Variants in CFAP97D2 observed in about 807,000 individuals in gnomAD.
CFAP97D2 encodes the protein uncharacterized protein CFAP97D2.
intron 1 of CFAP97D2, among the ~76,000 whole-genome samples, chr13:114,184,645 C>T (rs1160454148): frequency 6.6e-6 from 1 of 152,126 alleles, no homozygotes; most frequent in Non-Finnish European, 1.5e-5. Context: ...TTATCTGTCA[C>T]AAGTGAAGAA....
intron 1 of CFAP97D2, among the ~76,000 whole-genome samples, chr13:114,180,150 T>C (rs1242954376): frequency 6.6e-6 from 1 of 152,270 alleles, no homozygotes; most frequent in East Asian, 1.9e-4. Flanking sequence ...AGAACGATGT[T>C]CCATGTATCA....
intron 3 of CFAP97D2, among the ~76,000 whole-genome samples, chr13:114,210,321 A>G (rs2080961256): frequency 6.6e-6 from 1 of 152,178 alleles, no homozygotes; most frequent in Non-Finnish European, 1.5e-5. Context: ...AGTGATGCTG[A>G]AAGGGACACT....
At chr13:114,216,047 G>A (rs1361438906) in intron 4 of CFAP97D2, among the ~76,000 whole-genome samples, 1 of 152,168 alleles carries the variant, frequency 6.6e-6, no homozygotes, top group Non-Finnish European at 1.5e-5. Flanking sequence ...CCTCCTATAT[G>A]TTGGGTCTAA....
At position 114,179,813 on chromosome 13, in the gene CFAP97D2, T is replaced by C. The variant is rs771152419; in HGVS notation, c.90+393T>C. Among the ~76,000 whole-genome samples the C allele has an allele frequency of 6.6e-6, 1 of 152,202 alleles. No individual in the cohort carries two copies. The highest frequency in any genetic ancestry group is 1.9e-4 in the East Asian group (1 of 5,198). On this transcript the variant is annotated intron_variant, in intron 1 of 4. Transcript: ENST00000646158. The surrounding 1 kb of genome is among the most constrained non-coding windows in gnomAD (Gnocchi z 4.8). ...TTTTTTGTTTTTGTTTTTGTTTTTG[T>C]TTGTTTTTGAGAGGGATGTTGCCAT...
At chr13:114,181,645 G>A (rs1471107937) in intron 1 of CFAP97D2, among the ~76,000 whole-genome samples, 2 of 152,174 alleles carry the variant, frequency 1.3e-5, no homozygotes, top group Non-Finnish European at 2.9e-5. Flanking sequence ...AATTAAGAGT[G>A]GAGAGAATCA....
chr13:114,192,178 C>T (rs961489585), intron 1 of CFAP97D2, among the ~76,000 whole-genome samples: 2 of 152,058 alleles, frequency 1.3e-5, no homozygotes, highest in Admixed American at 6.6e-5. Flanking sequence ...TGTGTCCAGA[C>T]TCATAGAATA....
rs138787435 is a variant in CFAP97D2, at chr13:114,189,726, TCATATC to T, written c.91-6669_91-6664del. Among the ~76,000 whole-genome samples, 24,260 of 152,030 alleles carry T rather than the reference TCATATC, an allele frequency of 0.16. 2,180 individuals are homozygous for T. Among genetic ancestry groups the T allele is most frequent in the Non-Finnish European group, 0.2 (13,258 of 67,928 alleles). On this transcript the variant is annotated intron_variant, in intron 1 of 4. Transcript: ENST00000646158. This position sits in a 1 kb window ranked among gnomAD's most constrained non-coding sequence, Gnocchi z 4.5. Reference sequence around the variant, plus strand: ...GGCTAAAAAAAGAAAAATCACATGATCATATCAGTAGATGCAGAGAAAGCATTTAAC... The same window carrying T: ...GGCTAAAAAAAGAAAAATCACATGATAGTAGATGCAGAGAAAGCATTTAAC...
intron 3 of CFAP97D2, among the ~76,000 whole-genome samples, chr13:114,202,486 A>G (rs1158230901): frequency 6.6e-6 from 1 of 152,212 alleles, no homozygotes; most frequent in Non-Finnish European, 1.5e-5. Context: ...AAGCTACTGT[A>G]ATTTGACAAG....
At position 114,207,095 on chromosome 13, in the gene CFAP97D2, A is replaced by G. The variant is rs1388314746; in HGVS notation, c.291-4817A>G. Among the ~76,000 whole-genome samples, 1 of 152,204 alleles carries G rather than the reference A, an allele frequency of 6.6e-6. No homozygotes were observed. The highest frequency in any genetic ancestry group is 1.5e-5 in the Non-Finnish European group (1 of 68,012). ...CTGCCAAGCATCACCACCGCATGGC[A>G]GCAGTGTCCCCGCATCCACCTGGTG... On this transcript the variant is annotated intron_variant, in intron 3 of 4. Coordinates refer to ENST00000646158, the Ensembl canonical transcript of CFAP97D2. This position sits in a 1 kb window ranked among gnomAD's most constrained non-coding sequence, Gnocchi z 4.9.
At position 114,222,148 on chromosome 13, in the gene CFAP97D2, G is replaced by A. The variant is rs1202129305; in HGVS notation, c.481-350G>A. ...CCTTTTATATGAAATGTCCAGAATA[G>A]GCACATTCAAAGAGACAAAAAGTAA... On this transcript the variant is annotated intron_variant, in intron 4 of 4. Coordinates refer to ENST00000646158, the Ensembl canonical transcript of CFAP97D2. The surrounding 1 kb of genome is among the most constrained non-coding windows in gnomAD (Gnocchi z 4.4). Among the ~76,000 whole-genome samples, 1 of 152,180 alleles carries A rather than the reference G, an allele frequency of 6.6e-6. No individual in the cohort carries two copies. The highest frequency in any genetic ancestry group is 6.5e-5 in the Admixed American group (1 of 15,272).
chr13:114,200,830 G>A (rs888462578), intron 3 of CFAP97D2, among the ~76,000 whole-genome samples: 1 of 152,220 alleles, frequency 6.6e-6, no homozygotes, highest in African/African-American at 2.4e-5. Flanking sequence ...GGCCAAGGTT[G>A]CAGTTCGGCG....
In CFAP97D2 at chr13:114,211,153, G is replaced by A. The variant is rs898394575; in HGVS notation, c.291-759G>A. Reference sequence around the variant, plus strand: ...CTAACCCTGGTGGGTTCTTTACTTCGTGCTCCTCTGTGCTCCACAGCCAGG... The same window carrying A: ...CTAACCCTGGTGGGTTCTTTACTTCATGCTCCTCTGTGCTCCACAGCCAGG... On this transcript the variant is annotated intron_variant, in intron 3 of 4. Transcript: ENST00000646158. This position sits in a 1 kb window ranked among gnomAD's most constrained non-coding sequence, Gnocchi z 4.2. Among the ~76,000 whole-genome samples the A allele has an allele frequency of 1.3e-4, 20 of 152,148 alleles. No individual in the cohort carries two copies. The highest frequency in any genetic ancestry group is 2.4e-4 in the African/African-American group (10 of 41,502).
rs1423050233 is a variant in CFAP97D2, at chr13:114,182,184, A to C, written c.90+2764A>C. On this transcript the variant is annotated intron_variant, in intron 1 of 4. Transcript: ENST00000646158. ...GGTCAGCAAAAAACGTGAGCAAAAGAGTCTATGTCGTAATTAAGTTCAAGG... is the reference window on the plus strand; with the variant it reads ...GGTCAGCAAAAAACGTGAGCAAAAGCGTCTATGTCGTAATTAAGTTCAAGG... Among the ~76,000 whole-genome samples, 3 of 142,308 alleles carry C rather than the reference A, an allele frequency of 2.1e-5. 1 individual carries two copies. The highest frequency in any genetic ancestry group is 8.0e-5 in the African/African-American group (3 of 37,644). 93.4% of individuals were successfully genotyped at this position (142,308 alleles called of 152,430 possible).
chr13:114,207,985 C>A lies in CFAP97D2; in HGVS notation c.291-3927C>A, dbSNP rs2080948967. Among the ~76,000 whole-genome samples the A allele has an allele frequency of 6.6e-6, 1 of 152,126 alleles. No individual in the cohort carries two copies. The highest frequency in any genetic ancestry group is 6.6e-5 in the Admixed American group (1 of 15,266). On this transcript the variant is annotated intron_variant, in intron 3 of 4. Transcript: ENST00000646158. This position sits in a 1 kb window ranked among gnomAD's most constrained non-coding sequence, Gnocchi z 4.9. ...CTGTAATCAATGCATCTCCTTGGGT[C>A]ACTCGGCAGTTTCAACATTCCATGG...
At chr13:114,183,321 C>T (rs145652662) in intron 1 of CFAP97D2, among the ~76,000 whole-genome samples, 431 of 152,230 alleles carry the variant, frequency 2.8e-3, no homozygotes, top group African/African-American at 9.6e-3. Flanking sequence ...CGCGTGCCAC[C>T]ATGCCTGGCT....
chr13:114,198,603 T>C (rs1020085360), intron 2 of CFAP97D2, among the ~76,000 whole-genome samples: 1 of 152,234 alleles, frequency 6.6e-6, no homozygotes, highest in African/African-American at 2.4e-5. Context: ...TTCCAATCCA[T>C]GGGCAAAGCA....
At position 114,185,928 on chromosome 13, in the gene CFAP97D2, C is replaced by G. The variant is rs888112632; in HGVS notation, c.90+6508C>G. On this transcript the variant is annotated intron_variant, in intron 1 of 4. Coordinates refer to ENST00000646158, the Ensembl canonical transcript of CFAP97D2. This position sits in a 1 kb window ranked among gnomAD's most constrained non-coding sequence, Gnocchi z 5.2. ...GAAGGGGTCAGGTTCCTGGTGAAGC[C>G]CCACCTTCAAGCTGGGGAGGGCCTG... Among the ~76,000 whole-genome samples the G allele has an allele frequency of 6.6e-6, 1 of 152,184 alleles. No individual in the cohort carries two copies. Among genetic ancestry groups the G allele is most frequent in the Non-Finnish European group, 1.5e-5 (1 of 68,024 alleles).
chr13:114,179,807 T>G lies in CFAP97D2; in HGVS notation c.90+387T>G, dbSNP rs904616913. Among the ~76,000 whole-genome samples the G allele has an allele frequency of 6.6e-6, 1 of 152,160 alleles. No individual in the cohort carries two copies. Among genetic ancestry groups the G allele is most frequent in the African/African-American group, 2.4e-5 (1 of 41,430 alleles). On this transcript the variant is annotated intron_variant, in intron 1 of 4. Coordinates refer to ENST00000646158, the Ensembl canonical transcript of CFAP97D2. The surrounding 1 kb of genome is among the most constrained non-coding windows in gnomAD (Gnocchi z 4.8). ...TTTTTGTTTTTTGTTTTTGTTTTTG[T>G]TTTTGTTTGTTTTTGAGAGGGATGT...
At chr13:114,182,023 C>G (rs1054277945) in intron 1 of CFAP97D2, among the ~76,000 whole-genome samples, 2 of 152,236 alleles carry the variant, frequency 1.3e-5, no homozygotes, top group South Asian at 2.1e-4. Context: ...ACAGTGGGCC[C>G]AGGGGACCGG....
Sources: allele counts gnomAD v4.1 joint callset (sites outside exome capture counted in the v4.1 genomes callset), GRCh38; gene constraint gnomAD v4.1.1; non-coding constraint Gnocchi (gnomAD v3.1); transcripts MANE v1.5; gene names NCBI Gene and HGNC (gene_info 2026-07-23, HGNC 2026-07-21).